Variants in GALNT7 observed in about 807,000 individuals in gnomAD.
GALNT7 encodes polypeptide N-acetylgalactosaminyltransferase 7, also known as N-acetylgalactosaminyltransferase 7.
A neutral mutation model predicts 82.1 loss-of-function variants in GALNT7; 60 were observed. The ratio of observed to expected loss-of-function variants is 0.73; its 90% confidence interval spans 0.59 to 0.91. The LOEUF is 0.91. Ranked by LOEUF, GALNT7 falls within the 40% of genes least tolerant of loss-of-function variation. GALNT7 has a pLI of 0.00. For synonymous variants in GALNT7, 243 were observed against 275.1 expected (o/e 0.88, Z 1.15); for missense variants, 660 against 804.2 (o/e 0.82, Z 2.17).
intron 3 of GALNT7, 27 bp from the exon 4 acceptor site, chr4:173,295,369 A>G: frequency 1.4e-6 from 2 of 1,454,744 alleles, no homozygotes; most frequent in South Asian, 2.3e-5. Context: ...CGTCTAATTT[A>G]TAATATCGAT....
chr4:173,261,767 T>C (rs1207360128), intron 2 of GALNT7, among the ~76,000 whole-genome samples: 1 of 152,118 alleles, frequency 6.6e-6, no homozygotes, highest in East Asian at 1.9e-4. Context: ...TGCAGTGAAC[T>C]GAGACTGTGC....
chr4:173,281,363 G>A (rs1736102222), intron 2 of GALNT7, among the ~76,000 whole-genome samples: 1 of 152,072 alleles, frequency 6.6e-6, no homozygotes, highest in African/African-American at 2.4e-5. Context: ...CTCCATTTTG[G>A]CCCTCACTGG....
chr4:173,321,755 G>A lies in GALNT7; in HGVS notation c.*38G>A. 6.8e-7 allele frequency: 1 copy of A among 1,475,936 alleles called. No individual in the cohort carries two copies. Among genetic ancestry groups the A allele is most frequent in the Non-Finnish European group, 9.4e-7 (1 of 1,058,846 alleles). The allele number at this position is 1,475,936 out of a possible 1,614,324, so 91.4% of individuals were successfully genotyped here. ...AAACCAATAACCTACCTACTGACAA[G>A]TAAATTTATACAGGACTGAAAACCG... On this transcript the variant is annotated 3_prime_UTR_variant, in exon 12 of 12. Coordinates refer to ENST00000265000, the MANE Select transcript of GALNT7 (RefSeq NM_017423.3).
intron 1 of GALNT7, among the ~76,000 whole-genome samples, chr4:173,189,269 G>C (rs947740164): frequency 2.1e-4 from 32 of 152,198 alleles, no homozygotes; most frequent in African/African-American, 7.7e-4. Flanking sequence ...CTGCTTGGCA[G>C]TCACCTCCAT....
intron 1 of GALNT7, among the ~76,000 whole-genome samples, chr4:173,216,372 G>A (rs58146016): frequency 8.3e-4 from 126 of 152,168 alleles, no homozygotes; most frequent in African/African-American, 2.8e-3. Flanking sequence ...ATAGTGGAGG[G>A]CGTAATGTGT....
intron 2 of GALNT7, among the ~76,000 whole-genome samples, chr4:173,272,864 T>G (rs1735778638): frequency 6.6e-6 from 1 of 152,234 alleles, no homozygotes; most frequent in South Asian, 2.1e-4. Flanking sequence ...TGTTGTATAT[T>G]ACATACTCTT....
Position 173,304,138 on chromosome 4 carries a change from G to A in GALNT7, c.1389+20G>A. ...CTGAAGGTGAGTTTTTTGGATAAAA[G>A]GGGAGGACAGGGAACTAACATTTAT... On this transcript the variant is annotated intron_variant, in intron 8 of 11. Transcript: ENST00000265000. 1 of 1,606,806 alleles carries A rather than the reference G, an allele frequency of 6.2e-7. No individual in the cohort carries two copies.
At chr4:173,199,520 A>G (rs918136781) in intron 1 of GALNT7, among the ~76,000 whole-genome samples, 5 of 152,184 alleles carry the variant, frequency 3.3e-5, no homozygotes, top group Non-Finnish European at 7.3e-5. Context: ...CATCACTGTA[A>G]TCTTTTAGTG....
rs1240225205 is a variant in GALNT7, at chr4:173,320,154, A to G, written c.1837-1426A>G. Among the ~76,000 whole-genome samples, 1 of 152,016 alleles carries G rather than the reference A, an allele frequency of 6.6e-6. No individual in the cohort carries two copies. Among genetic ancestry groups the G allele is most frequent in the African/African-American group, 2.4e-5 (1 of 41,408 alleles). On this transcript the variant is annotated intron_variant, in intron 11 of 11. Transcript: ENST00000265000. This position sits in a 1 kb window ranked among gnomAD's most constrained non-coding sequence, Gnocchi z 4.1. ...TTAGGAAAATAATTCTGGAAACGTG[A>G]GGTATGGACTGATGAAGCAACGAGA... is the stretch of plus-strand genomic sequence containing the variant.
chr4:173,215,430 C>T lies in GALNT7; in HGVS notation c.127-32550C>T, dbSNP rs982280253. Among the ~76,000 whole-genome samples the T allele has an allele frequency of 3.9e-5, 6 of 152,036 alleles. No individual in the cohort carries two copies. The South Asian group carries it at 6.2e-4, about 16-fold the overall frequency. On this transcript the variant is annotated intron_variant, in intron 1 of 11. Transcript: ENST00000265000. ...ATTTTTAGTAGAGACGGGGGTTCAC[C>T]ATGTTGCCCAGGCTGGTCTTGAACT... is the stretch of plus-strand genomic sequence containing the variant.
At chr4:173,284,500 A>G (rs1021670092) in intron 2 of GALNT7, among the ~76,000 whole-genome samples, 3 of 152,216 alleles carry the variant, frequency 2.0e-5, no homozygotes, top group Non-Finnish European at 2.9e-5. Flanking sequence ...TGGCAATCCC[A>G]TGTACCTAAA....
At chr4:173,311,534 G>A (rs988135971) in intron 8 of GALNT7, among the ~76,000 whole-genome samples, 3 of 152,196 alleles carry the variant, frequency 2.0e-5, no homozygotes, top group Non-Finnish European at 2.9e-5. Context: ...GGAGCAAGGC[G>A]TCTCACCTGG....
chr4:173,220,782 G>A (rs1363189269), intron 1 of GALNT7, among the ~76,000 whole-genome samples: 1 of 151,920 alleles, frequency 6.6e-6, no homozygotes, highest in Non-Finnish European at 1.5e-5. Context: ...ATGGTTTACT[G>A]AGAATGATAA....
At chr4:173,295,338 A>G in intron 3 of GALNT7, 58 bp from the exon 4 acceptor site, 1 of 1,217,536 alleles carries the variant, frequency 8.2e-7, no homozygotes, top group South Asian at 1.2e-5. Flanking sequence ...TGAGAAAAAT[A>G]ATAACTAATT....
chr4:173,169,871 C>T (rs1731796263), intron 1 of GALNT7, among the ~76,000 whole-genome samples: 1 of 152,008 alleles, frequency 6.6e-6, no homozygotes, highest in African/African-American at 2.4e-5. Context: ...CCGCCCCGCG[C>T]CGGCTGCCGG....
intron 2 of GALNT7, among the ~76,000 whole-genome samples, chr4:173,256,611 CTTTCTTTG>C (rs1478220387): frequency 1.4e-5 from 2 of 138,936 alleles, no homozygotes; most frequent in Admixed American, 1.5e-4. Flanking sequence ...TTCTTTGTTA[CTTTCTTTG>C]TTTCTTTCTT....
chr4:173,181,632 G>A (rs549650108), intron 1 of GALNT7, among the ~76,000 whole-genome samples: 1 of 152,284 alleles, frequency 6.6e-6, no homozygotes, highest in African/African-American at 2.4e-5. Flanking sequence ...TAGGGTACGT[G>A]AAAGCACAGT....
chr4:173,313,957 G>T lies in GALNT7; in HGVS notation c.1390-1G>T. ...TATATATATATATTTTTTTTTTACA[G>T]AATTATGTTAGAGTTGTGGAGGTTT... On this transcript the variant is annotated splice_acceptor_variant, in intron 8 of 11. Coordinates refer to ENST00000265000, the MANE Select transcript of GALNT7 (RefSeq NM_017423.3). LOFTEE classifies it high-confidence loss of function. 2 of 1,415,592 alleles carry T rather than the reference G, an allele frequency of 1.4e-6. No individual in the cohort carries two copies. Among genetic ancestry groups the T allele is most frequent in the African/African-American group, 1.4e-5 (1 of 69,136 alleles). The allele number at this position is 1,415,592 out of a possible 1,614,324, so 87.7% of individuals were successfully genotyped here. A position where few individuals can be genotyped will look rare whatever the true frequency, so the allele number is the denominator to read the frequency against.
At chr4:173,318,665 C>T (rs1737691663) in intron 11 of GALNT7, 106 bp downstream of exon 11, 1 of 744,272 alleles carries the variant, frequency 1.3e-6, no homozygotes, top group South Asian at 1.7e-5. Flanking sequence ...TTCAAATTCA[C>T]TTGCATTTTC....
Sources: allele counts gnomAD v4.1 joint callset (sites outside exome capture counted in the v4.1 genomes callset), GRCh38; gene constraint gnomAD v4.1.1; non-coding constraint Gnocchi (gnomAD v3.1); transcripts MANE v1.5; gene names NCBI Gene and HGNC (gene_info 2026-07-23, HGNC 2026-07-21).